The following MORN1 variants were observed in gnomAD, a reference collection of about 807,000 sequenced individuals.
The protein encoded by MORN1 is MORN repeat containing 1.
A neutral mutation model predicts 61.9 loss-of-function variants in MORN1; 67 were observed. That is an observed-to-expected ratio of 1.08 (90% CI 0.89 to 1.33). MORN1 has a LOEUF of 1.33. MORN1 is among the 40% of genes most tolerant of loss of function. The pLI is 0.00. For missense variants in MORN1, 752 were observed against 691.2 expected, an observed-to-expected ratio of 1.09 and a Z score of -0.99; for synonymous variants, 301 against 292.0, an observed-to-expected ratio of 1.03 and a Z score of -0.31.
chr1:2,330,746 G>A (rs1641130556), intron 12 of MORN1, among the ~76,000 whole-genome samples: 2 of 152,204 alleles, frequency 1.3e-5, no homozygotes, highest in Admixed American at 1.3e-4. Context: ...CGTGCCTGTG[G>A]TCGGGCTGAG....
At position 2,337,947 on chromosome 1, in the gene MORN1, C is replaced by A. The variant is rs1198660563; in HGVS notation, c.1037-1097G>T. 6.6e-6 allele frequency among the ~76,000 whole-genome samples: 1 copy of A among 152,150 alleles called. No homozygotes were observed. Among genetic ancestry groups the A allele is most frequent in the Non-Finnish European group, 1.5e-5 (1 of 68,030 alleles). ...ATAGAAGGGTGGAGCCAAGACAGTGCCCAGGAGGGAAGGAGGAGTCAGGGG... is the reference window on the plus strand; with the variant it reads ...ATAGAAGGGTGGAGCCAAGACAGTGACCAGGAGGGAAGGAGGAGTCAGGGG... On this transcript the variant is annotated intron_variant, in intron 10 of 13. Transcript: ENST00000378531. The surrounding 1 kb of genome is among the most constrained non-coding windows in gnomAD (Gnocchi z 5.7).
rs1201912364 is a variant in MORN1, at chr1:2,357,715, G to C, written c.870-117C>G. 1 of 1,220,980 alleles carries C rather than the reference G, an allele frequency of 8.2e-7. No individual in the cohort carries two copies. The highest frequency in any genetic ancestry group is 1.6e-5 in the African/African-American group (1 of 64,462). 75.6% of individuals were successfully genotyped at this position (1,220,980 alleles called of 1,614,324 possible). ...CTTGCCTACACTGAGTCCAGGGAGC[G>C]CTACTCAGCCTCTCTGGGAGGTCTC... On this transcript the variant is annotated intron_variant, in intron 9 of 13. Transcript: ENST00000378531. This position sits in a 1 kb window ranked among gnomAD's most constrained non-coding sequence, Gnocchi z 6.3.
rs1270626278 is a variant in MORN1, at chr1:2,357,511, G to A, written c.957C>T (p.Asp319=). 28 of 1,612,606 alleles carry A rather than the reference G, an allele frequency of 1.7e-5. No individual in the cohort carries two copies. Among genetic ancestry groups the A allele is most frequent in the South Asian group, 5.5e-5 (5 of 91,004 alleles). The part of the protein sequence containing the change: ...PRAAKGGAEA[D]VPLPRGDLEL... ...CCAGGTCTCCCCTGGGCAGGGGCACGTCGGCTTCTGCCCCTCCCTTGGCAG... is the reference window on the plus strand; with the variant it reads ...CCAGGTCTCCCCTGGGCAGGGGCACATCGGCTTCTGCCCCTCCCTTGGCAG... Residue 319 remains aspartate, a synonymous_variant, in exon 10 of 14, where the codon GAC becomes GAT. Transcript: ENST00000378531. The surrounding 1 kb of genome is among the most constrained non-coding windows in gnomAD (Gnocchi z 6.3).
Position 2,323,036 on chromosome 1 carries a change from T to C in MORN1, c.1297+1061A>G, listed in dbSNP as rs374477313. The C allele has an allele frequency of 3.7e-4, 367 of 985,434 alleles. 8 individuals are homozygous for C. In the South Asian group the frequency reaches 0.013, roughly 35 times the overall value. 61.0% of individuals were successfully genotyped at this position (985,434 alleles called of 1,614,324 possible). A position where few individuals can be genotyped will look rare whatever the true frequency, so the allele number is the denominator to read the frequency against. On this transcript the variant is annotated intron_variant, in intron 13 of 13. Transcript: ENST00000378531. ...TTCGCTCCTCACCCCCAGGGCTGTC[T>C]CCGCCGAGCACATAAACCCTGGCCG...
intron 12 of MORN1, among the ~76,000 whole-genome samples, chr1:2,325,110 T>TTCTC (rs1640978049): frequency 2.2e-5 from 1 of 45,930 alleles, no homozygotes; most frequent in Admixed American, 1.9e-4. Flanking sequence ...TCCCCTTTCC[T>TTCTC]TCCCTTCCTT....
At chr1:2,346,098 G>A (rs1450521423) in intron 10 of MORN1, among the ~76,000 whole-genome samples, 1 of 149,838 alleles carries the variant, frequency 6.7e-6, no homozygotes, top group Non-Finnish European at 1.5e-5. Flanking sequence ...AAAGCCACCA[G>A]GAACCTTCCT....
intron 2 of MORN1, chr1:2,388,616 C>A (rs1026310546): frequency 2.8e-5 from 10 of 360,856 alleles, no homozygotes; most frequent in Admixed American, 1.7e-4. Context: ...CGTCTCTACA[C>A]AAAATTTTAA....
intron 6 of MORN1, among the ~76,000 whole-genome samples, chr1:2,383,501 T>C (rs553250763): frequency 6.6e-6 from 1 of 152,308 alleles, no homozygotes; most frequent in South Asian, 2.1e-4. Flanking sequence ...CCAACTTTCA[T>C]AGGAGAATCT....
At chr1:2,389,742 G>C (rs1642596189) in intron 2 of MORN1, among the ~76,000 whole-genome samples, 183 bp downstream of exon 2, 1 of 152,206 alleles carries the variant, frequency 6.6e-6, no homozygotes, top group Admixed American at 6.5e-5. Flanking sequence ...CTCCAGGGGG[G>C]TCTCCCAGGC....
chr1:2,346,677 C>T (rs757657557), intron 10 of MORN1, among the ~76,000 whole-genome samples: 6 of 152,234 alleles, frequency 3.9e-5, no homozygotes, highest in East Asian at 3.8e-4. Flanking sequence ...TGAGCCACCG[C>T]GCCCACCCTG....
At chr1:2,349,399 A>G (rs1317618448) in intron 10 of MORN1, among the ~76,000 whole-genome samples, 1 of 152,210 alleles carries the variant, frequency 6.6e-6, no homozygotes, top group Non-Finnish European at 1.5e-5. Flanking sequence ...CCTTGCTCCC[A>G]GTCCCGGCCC....
intron 5 of MORN1, chr1:2,385,442 C>T: frequency 2.9e-6 from 1 of 347,936 alleles, no homozygotes; most frequent in Admixed American, 4.6e-5. Context: ...GAGGCGGAGG[C>T]GGGAGGCTCT....
At chr1:2,347,172 G>A (rs1641536734) in intron 10 of MORN1, among the ~76,000 whole-genome samples, 1 of 152,206 alleles carries the variant, frequency 6.6e-6, no homozygotes, top group East Asian at 1.9e-4. Flanking sequence ...ACACAGCTTT[G>A]CTGGGGGAGG....
intron 12 of MORN1, among the ~76,000 whole-genome samples, chr1:2,336,260 T>A (rs1453312608): frequency 6.6e-6 from 1 of 152,148 alleles, no homozygotes; most frequent in Non-Finnish European, 1.5e-5. Flanking sequence ...ACCCACTTCA[T>A]GCCAGCCCAG....
In MORN1 at chr1:2,385,883, C is replaced by A; in HGVS notation, c.373G>T (p.Val125Leu). 1 of 1,613,998 alleles carries A rather than the reference C, an allele frequency of 6.2e-7. No homozygotes were observed. Among genetic ancestry groups the A allele is most frequent in the Non-Finnish European group, 8.5e-7 (1 of 1,180,018 alleles). Reference protein sequence around the residue: ...HGMREGHGFLVDRDGQVYQGS... With the variant: ...HGMREGHGFLLDRDGQVYQGS... ...TGGTACACTTGTCCATCCCGGTCCA[C>A]CAGAAACCCGTGTCCTGGAGAAGGG... Residue 125 changes from valine (V) to leucine (L), a missense_variant, in exon 5 of 14, where the codon GTG becomes TTG. Physicochemically the swap from Val to Leu is conservative, Grantham distance 32 (BLOSUM62 1). Coordinates refer to ENST00000378531, the MANE Select transcript of MORN1 (RefSeq NM_024848.3).
At chr1:2,322,875 G>C (rs1204778208) in intron 13 of MORN1, 3 of 985,302 alleles carry the variant, frequency 3.0e-6, no homozygotes, top group Admixed American at 6.1e-5. Context: ...TGGGCGGCAA[G>C]GGCTCTGGCT....
At chr1:2,323,738 A>C (rs532082179) in intron 13 of MORN1, 1 of 985,054 alleles carries the variant, frequency 1.0e-6, no homozygotes. Context: ...GCAGCTCCTC[A>C]TGGTTCAGCC....
In MORN1 at chr1:2,357,700, C is replaced by T. The variant is rs1252148292; in HGVS notation, c.870-102G>A. 5 of 1,393,210 alleles carry T rather than the reference C, an allele frequency of 3.6e-6. No individual in the cohort carries two copies. In the African/African-American group the frequency reaches 5.9e-5, roughly 16 times the overall value. The allele number at this position is 1,393,210 out of a possible 1,614,324, so 86.3% of individuals were successfully genotyped here. ...CCCTGGACCCTGGGACTTGCCTACA[C>T]TGAGTCCAGGGAGCGCTACTCAGCC... is the stretch of plus-strand genomic sequence containing the variant. On this transcript the variant is annotated intron_variant, in intron 9 of 13. Coordinates refer to ENST00000378531, the MANE Select transcript of MORN1 (RefSeq NM_024848.3). This position sits in a 1 kb window ranked among gnomAD's most constrained non-coding sequence, Gnocchi z 6.3.
intron 10 of MORN1, chr1:2,352,806 C>T (rs970595429): frequency 6.6e-6 from 1 of 152,282 alleles, no homozygotes; most frequent in African/African-American, 2.4e-5. Flanking sequence ...GGATTATCTT[C>T]TGGCCTGAAG....
Sources: allele counts gnomAD v4.1 joint callset (sites outside exome capture counted in the v4.1 genomes callset), GRCh38; gene constraint gnomAD v4.1.1; non-coding constraint Gnocchi (gnomAD v3.1); transcripts MANE v1.5; gene names NCBI Gene and HGNC (gene_info 2026-07-23, HGNC 2026-07-21).